Variants in PCDH10 observed in about 807,000 individuals in gnomAD.
PCDH10 encodes the protein protocadherin-10.
PCDH10 carries 15 observed loss-of-function variants against 74.4 expected under a neutral mutation model. The ratio of observed to expected loss-of-function variants is 0.20; its 90% CI spans 0.13 to 0.31. The LOEUF (loss-of-function observed/expected upper bound fraction) is 0.31, where lower values mean the gene tolerates loss of function less well. Ranked by LOEUF, PCDH10 falls within the 10% of genes least tolerant of loss-of-function variation. The probability of loss-of-function intolerance (pLI) is 1.00; values close to 1 mark genes in which losing one functional copy is unlikely to be tolerated. For missense variants in PCDH10, 1,260 were observed against 1,390.2 expected, an observed-to-expected ratio of 0.91 and a Z score of 1.49; for synonymous variants, 619 against 589.8, an observed-to-expected ratio of 1.05 and a Z score of -0.72.
intron 2 of PCDH10, 127 bp from the exon 3 acceptor site, chr4:133,154,790 G>A (rs1726828313): frequency 1.5e-6 from 1 of 656,704 alleles, no homozygotes; most frequent in Non-Finnish European, 2.7e-6. Flanking sequence ...CTAGCTTTAT[G>A]CAGAAACAAA....
chr4:133,191,529 C>CA lies in PCDH10; in HGVS notation c.*1369_*1370insA, dbSNP rs1229334267. The CA allele has an allele frequency of 6.6e-6, 1 of 151,914 alleles. No homozygotes were observed. Among genetic ancestry groups the CA allele is most frequent in the Non-Finnish European group, 1.5e-5 (1 of 67,694 alleles). 9.4% of individuals were successfully genotyped at this position (151,914 alleles called of 1,614,324 possible). A position where few individuals can be genotyped will look rare whatever the true frequency, so the allele number is the denominator to read the frequency against. On this transcript the variant is annotated 3_prime_UTR_variant, in exon 5 of 5. Transcript: ENST00000264360. Reference sequence around the variant, plus strand: ...GTCAGCCTTCAAAAGTTAAGCTTGCCTTTTACTTTTATGTCAACAATATTA... The same window carrying CA: ...GTCAGCCTTCAAAAGTTAAGCTTGCCATTTTACTTTTATGTCAACAATATTA...
rs1727662270 is a variant in PCDH10 at position 133,191,274 on chromosome 4, C to A, written c.*1114C>A. 2 of 152,130 alleles carry A rather than the reference C, an allele frequency of 1.3e-5. No homozygotes were observed. The highest frequency in any genetic ancestry group is 4.8e-5 in the African/African-American group (2 of 41,414). The allele number at this position is 152,130 out of a possible 1,614,324, so 9.4% of individuals were successfully genotyped here. ...ATCACTCACACAGAATTTTATTTTA[C>A]ATAGTTTTGTGACTTAATTACACAT... On this transcript the variant is annotated 3_prime_UTR_variant, in exon 5 of 5. Coordinates refer to ENST00000264360, the MANE Select transcript of PCDH10 (RefSeq NM_032961.3).
intron 3 of PCDH10, 66 bp from the exon 4 acceptor site, chr4:133,162,911 T>TA: frequency 7.3e-7 from 1 of 1,374,216 alleles, no homozygotes; most frequent in South Asian, 1.4e-5. Flanking sequence ...CCTGTAATCT[T>TA]ACACTGCTAA....
chr4:133,160,759 G>A lies in PCDH10; in HGVS notation c.2798-2218G>A, dbSNP rs1010731045. On this transcript the variant is annotated intron_variant, in intron 3 of 4. Coordinates refer to ENST00000264360, the MANE Select transcript of PCDH10 (RefSeq NM_032961.3). The stretch of plus-strand genomic sequence containing the variant: ...CTAGAAAATGATATTTAGTCGTCGT[G>A]AAGAAAAATGATATTAGTTCTAATG... Among the ~76,000 whole-genome samples, 3 of 151,730 alleles carry A rather than the reference G, an allele frequency of 2.0e-5. No homozygotes were observed. In the East Asian group the frequency reaches 5.8e-4, roughly 29 times the overall value.
rs200701977 is a variant in PCDH10 at position 133,150,326 on chromosome 4, T to C, written c.186T>C (p.Pro62=). 4 of 1,613,730 alleles carry C rather than the reference T, an allele frequency of 2.5e-6. No individual in the cohort carries two copies. In the African/African-American group the frequency reaches 4.0e-5, roughly 16 times the overall value. Reference sequence around the variant, plus strand: ...AGACGGTGCCCAACTCAAGGACCCCTTACTTAGACCTCAACCTGGAGACAG... The same window carrying C: ...AGACGGTGCCCAACTCAAGGACCCCCTACTTAGACCTCAACCTGGAGACAG... ...GFQTVPNSRT[P]YLDLNLETGV... Residue 62 remains proline (P), a synonymous_variant, in exon 1 of 5, where the codon CCT becomes CCC. Transcript: ENST00000264360.
chr4:133,160,269 G>A (rs1011096002), intron 3 of PCDH10, among the ~76,000 whole-genome samples: 1 of 151,802 alleles, frequency 6.6e-6, no homozygotes, highest in African/African-American at 2.4e-5. Context: ...CTAGTTATAT[G>A]AAGCTGTATA....
intron 4 of PCDH10, among the ~76,000 whole-genome samples, chr4:133,165,958 T>G (rs914490820): frequency 6.6e-6 from 1 of 151,676 alleles, no homozygotes; most frequent in African/African-American, 2.4e-5. Context: ...TACACTTACA[T>G]TTCTTTTTAT....
At position 133,162,937 on chromosome 4, in the gene PCDH10, G is replaced by C. The variant is rs1726998840; in HGVS notation, c.2798-40G>C. The C allele has an allele frequency of 2.0e-6, 3 of 1,518,002 alleles. No individual in the cohort carries two copies. In the East Asian group the frequency reaches 6.8e-5, roughly 34 times the overall value. The allele number at this position is 1,518,002 out of a possible 1,614,324, so 94.0% of individuals were successfully genotyped here. ...ACACTGCTAAGTAACTGGTCATGTTGGTGAAGACTACATCCGTAGTTTCTG... is the reference window on the plus strand; with the variant it reads ...ACACTGCTAAGTAACTGGTCATGTTCGTGAAGACTACATCCGTAGTTTCTG... On this transcript the variant is annotated intron_variant, in intron 3 of 4. Transcript: ENST00000264360.
chr4:133,198,428 T>A (rs1046749763), downstream of PCDH10, among the ~76,000 whole-genome samples: 1 of 152,134 alleles, frequency 6.6e-6, no homozygotes, highest in Non-Finnish European at 1.5e-5. Context: ...AAGAATGAAA[T>A]AAAGTGGTAC....
downstream of PCDH10, among the ~76,000 whole-genome samples, chr4:133,196,668 C>T (rs987675559): frequency 9.8e-5 from 15 of 152,328 alleles, no homozygotes; most frequent in African/African-American, 3.4e-4. Flanking sequence ...TGGGAAAGGG[C>T]TGTTATCATC....
chr4:133,198,028 G>C (rs1727828480), downstream of PCDH10, among the ~76,000 whole-genome samples: 1 of 148,266 alleles, frequency 6.7e-6, no homozygotes, highest in African/African-American at 2.5e-5. Context: ...GTAATAACAG[G>C]CTCATATGAA....
intron 2 of PCDH10, among the ~76,000 whole-genome samples, chr4:133,205,643 G>A (rs1217442047): frequency 6.6e-6 from 1 of 151,550 alleles, no homozygotes; most frequent in Non-Finnish European, 1.5e-5. Context: ...TTCGTTATTT[G>A]GATGCTGAAC....
intron 4 of PCDH10, among the ~76,000 whole-genome samples, chr4:133,179,864 G>A (rs1411166808): frequency 1.3e-5 from 2 of 151,946 alleles, no homozygotes; most frequent in African/African-American, 4.8e-5. Context: ...TATTCTGAAT[G>A]GAAATGAGGT....
intron 4 of PCDH10, among the ~76,000 whole-genome samples, chr4:133,179,922 T>G (rs1437188491): frequency 1.3e-5 from 2 of 152,016 alleles, no homozygotes; most frequent in South Asian, 4.1e-4. Flanking sequence ...CTACCCTGAC[T>G]TAGATAAATA....
chr4:133,198,464 G>T (rs1415154993), downstream of PCDH10, among the ~76,000 whole-genome samples: 4 of 152,108 alleles, frequency 2.6e-5, no homozygotes, highest in Non-Finnish European at 1.5e-5. Flanking sequence ...ACATTAAGAG[G>T]TATATTAAAT....
chr4:133,155,047 T>A, intron 3 of PCDH10, 24 bp downstream of exon 3: 1 of 1,425,514 alleles, frequency 7.0e-7, no homozygotes, highest in Non-Finnish European at 9.9e-7. Context: ...AAGGGCAATC[T>A]AAATGCTAAC....
chr4:133,194,826 G>A (rs1418139074), downstream of PCDH10: 1 of 151,898 alleles, frequency 6.6e-6, no homozygotes, highest in Non-Finnish European at 1.5e-5. Flanking sequence ...TTATAGCTTT[G>A]AAAGTAGACA....
At chr4:133,176,596 A>G (rs1727301480) in intron 4 of PCDH10, among the ~76,000 whole-genome samples, 1 of 152,128 alleles carries the variant, frequency 6.6e-6, no homozygotes, top group Non-Finnish European at 1.5e-5. Flanking sequence ...ACAATATATC[A>G]CTATTTTACA....
At chr4:133,177,824 G>A (rs1041924105) in intron 4 of PCDH10, among the ~76,000 whole-genome samples, 5 of 151,860 alleles carry the variant, frequency 3.3e-5, no homozygotes, top group Non-Finnish European at 5.9e-5. Flanking sequence ...ATTTCTCATC[G>A]CATTAACAGA....
Sources: allele counts gnomAD v4.1 joint callset (sites outside exome capture counted in the v4.1 genomes callset), GRCh38; gene constraint gnomAD v4.1.1; transcripts MANE v1.5; gene names NCBI Gene and HGNC (gene_info 2026-07-23, HGNC 2026-07-21).